Variants in GPC6 observed in about 807,000 individuals in gnomAD.
GPC6 encodes the protein glypican 6, also known as glypican-6.
GPC6 carries 14 observed loss-of-function variants against 55.2 expected under a neutral mutation model. The observed-to-expected ratio is 0.25, with a 90% confidence interval of 0.17 to 0.40. GPC6 has a LOEUF of 0.40. GPC6 is among the 10% of genes least tolerant of loss of function. The pLI, the probability that GPC6 is intolerant of heterozygous loss-of-function variation, is 1.00. For synonymous variants in GPC6, 278 were observed against 259.6 expected, an observed-to-expected ratio of 1.07 and a Z score of -0.68; for missense variants, 641 against 708.5, an observed-to-expected ratio of 0.90 and a Z score of 1.08.
chr13:93,837,768 A>G (rs1372292966), intron 3 of GPC6, among the ~76,000 whole-genome samples: 2 of 152,180 alleles, frequency 1.3e-5, no homozygotes, highest in African/African-American at 4.8e-5. Context: ...ATTTGGTAGG[A>G]GGAGTCACAA....
intron 1 of GPC6, among the ~76,000 whole-genome samples, chr13:93,447,330 A>G (rs767753693): frequency 5.9e-5 from 9 of 152,218 alleles, no homozygotes; most frequent in Non-Finnish European, 1.2e-4. Context: ...AAATGTTCTC[A>G]TCACATGTTT....
chr13:94,179,634 G>A (rs887447815), intron 4 of GPC6, among the ~76,000 whole-genome samples: 5 of 152,062 alleles, frequency 3.3e-5, no homozygotes, highest in African/African-American at 1.2e-4. Flanking sequence ...AAAATAAATG[G>A]AAAGTGAATT....
intron 2 of GPC6, among the ~76,000 whole-genome samples, chr13:93,561,784 C>A (rs1186547265): frequency 6.6e-6 from 1 of 152,144 alleles, no homozygotes; most frequent in Non-Finnish European, 1.5e-5. Context: ...ATTCTACCGA[C>A]AGAGAGCAAA....
intron 2 of GPC6, among the ~76,000 whole-genome samples, chr13:93,548,625 G>T (rs1316348457): frequency 6.6e-6 from 1 of 151,980 alleles, no homozygotes; most frequent in Non-Finnish European, 1.5e-5. Context: ...ATAACATTTA[G>T]AAGAGACACT....
intron 2 of GPC6, among the ~76,000 whole-genome samples, chr13:93,634,312 A>G (rs1594329039): frequency 1.3e-5 from 2 of 152,036 alleles, no homozygotes; most frequent in African/African-American, 4.8e-5. Flanking sequence ...GCATTCGACC[A>G]CCTCCTGCCT....
chr13:93,646,411 T>A (rs878929051), intron 2 of GPC6, among the ~76,000 whole-genome samples: 5 of 152,144 alleles, frequency 3.3e-5, no homozygotes, highest in African/African-American at 1.2e-4. Context: ...CTAGTCAGTT[T>A]ATCTTGGCAA....
chr13:94,386,525 G>A (rs1880418236), intron 7 of GPC6, among the ~76,000 whole-genome samples: 1 of 152,144 alleles, frequency 6.6e-6, no homozygotes, highest in African/African-American at 2.4e-5. Flanking sequence ...AGGAATTTGA[G>A]GCTGCAGTAA....
rs552992392 is a variant in GPC6 at position 94,380,088 on chromosome 13, A to T, written c.1153-2326A>T. ...AGGAGACACCTGTGGGGCGGCATGCAACTTTGTTCTTTATCTGAGTCTCAA... is the reference window on the plus strand; with the variant it reads ...AGGAGACACCTGTGGGGCGGCATGCTACTTTGTTCTTTATCTGAGTCTCAA... On this transcript the variant is annotated intron_variant, in intron 6 of 8. Coordinates refer to ENST00000377047, the MANE Select transcript of GPC6 (RefSeq NM_005708.5). Among the ~76,000 whole-genome samples the T allele has an allele frequency of 2.0e-5, 3 of 152,302 alleles. No individual in the cohort carries two copies. The East Asian group carries it at 5.8e-4, about 29-fold the overall frequency.
intron 2 of GPC6, among the ~76,000 whole-genome samples, chr13:93,556,566 T>A (rs1217708494): frequency 6.6e-6 from 1 of 151,756 alleles, no homozygotes; most frequent in East Asian, 1.9e-4. Flanking sequence ...TAAGTTATTT[T>A]AAAATATACA....
intron 2 of GPC6, among the ~76,000 whole-genome samples, chr13:93,657,866 T>C (rs1594348226): frequency 6.6e-6 from 1 of 152,032 alleles, no homozygotes; most frequent in Non-Finnish European, 1.5e-5. Context: ...TCAGCATAAC[T>C]AATCATTAGA....
At chr13:93,219,090 AT>A in the GPC6 span, among the ~76,000 whole-genome samples, 624 of 134,590 alleles carry the variant, frequency 4.6e-3, 4 homozygotes, top group African/African-American at 0.017. Context: ...TTTCTTTCCT[AT>A]TTTTTTTTTT....
chr13:93,849,908 G>T (rs536912561), intron 3 of GPC6, among the ~76,000 whole-genome samples: 3 of 151,534 alleles, frequency 2.0e-5, no homozygotes, highest in East Asian at 2.0e-4. Flanking sequence ...AGAAAGGAAA[G>T]AAATAAAGGG....
chr13:93,714,830 G>C (rs1462918237), intron 2 of GPC6, among the ~76,000 whole-genome samples: 6 of 151,252 alleles, frequency 4.0e-5, no homozygotes, highest in African/African-American at 1.5e-4. Context: ...ATTAGAGGGA[G>C]GGTTATTCAT....
At chr13:94,245,539 C>A (rs1389786812) in intron 4 of GPC6, among the ~76,000 whole-genome samples, 1 of 152,002 alleles carries the variant, frequency 6.6e-6, no homozygotes, top group Non-Finnish European at 1.5e-5. Flanking sequence ...TACTGCACTC[C>A]AGCCTGGGCA....
intron 3 of GPC6, among the ~76,000 whole-genome samples, chr13:93,979,321 G>A (rs1051486516): frequency 2.9e-5 from 4 of 136,328 alleles, no homozygotes; most frequent in African/African-American, 1.2e-4. Context: ...GTGTGTGTTT[G>A]TGTGTGTTTT....
At chr13:94,308,941 G>A (rs993240666) in intron 6 of GPC6, among the ~76,000 whole-genome samples, 2 of 152,078 alleles carry the variant, frequency 1.3e-5, no homozygotes, top group South Asian at 4.2e-4. Context: ...GTTATCCTTG[G>A]CCAGACTCCA....
chr13:93,668,686 G>A lies in GPC6; in HGVS notation c.319+123265G>A, dbSNP rs140181071. 1.7e-3 allele frequency among the ~76,000 whole-genome samples: 266 copies of A among 152,246 alleles called. 2 individuals are homozygous for A. The highest frequency in any genetic ancestry group is 4.6e-3 in the African/African-American group (192 of 41,546). The stretch of plus-strand genomic sequence containing the variant: ...CCAAGCAACCCCTGGAGCCCCCAGA[G>A]GCTGCAAGAGGCACAGAAAGATCCT... On this transcript the variant is annotated intron_variant, in intron 2 of 8. Coordinates refer to ENST00000377047, the MANE Select transcript of GPC6 (RefSeq NM_005708.5).
intron 1 of GPC6, among the ~76,000 whole-genome samples, chr13:93,278,754 T>A (rs1180930215): frequency 2.3e-4 from 35 of 152,180 alleles, no homozygotes; most frequent in Admixed American, 2.2e-3. Flanking sequence ...AAGTAGCAGA[T>A]ATATAGAGTG....
At chr13:93,289,241 G>A (rs1041484386) in intron 1 of GPC6, among the ~76,000 whole-genome samples, 4 of 152,128 alleles carry the variant, frequency 2.6e-5, no homozygotes, top group Admixed American at 2.6e-4. Flanking sequence ...CCTAACCTGG[G>A]AGTCAGAATG....
Sources: gnomAD v4.1 joint callset for allele counts (sites outside exome capture counted in the v4.1 genomes callset) on GRCh38, gnomAD v4.1.1 for gene constraint, MANE v1.5 for transcripts, NCBI Gene and HGNC (gene_info 2026-07-23, HGNC 2026-07-21) for gene names.